Variants in DAB1 observed in about 807,000 individuals in gnomAD.
The protein encoded by DAB1 is disabled homolog 1.
DAB1 carries 15 observed loss-of-function variants against 64.6 expected under a neutral mutation model. The ratio of observed to expected loss-of-function variants is 0.23; its 90% CI spans 0.16 to 0.36. The LOEUF is 0.36. Among genes scored for constraint, DAB1 ranks in the 10% least tolerant of loss-of-function variants. The pLI, the probability that DAB1 is intolerant of heterozygous loss-of-function variation, is 1.00. For synonymous variants in DAB1, 235 were observed against 251.9 expected, an observed-to-expected ratio of 0.93 and a Z score of 0.64; for missense variants, 596 against 706.7, an observed-to-expected ratio of 0.84 and a Z score of 1.78.
chr1:58,199,147 CA>C (rs1426686213), intron 4 of DAB1, among the ~76,000 whole-genome samples: 1 of 152,026 alleles, frequency 6.6e-6, no homozygotes, highest in Non-Finnish European at 1.5e-5. Flanking sequence ...GAACTGCCTG[CA>C]GTCCTATTGA....
chr1:58,545,684 G>T (rs1177637409), intron 1 of DAB1, among the ~76,000 whole-genome samples: 1 of 152,206 alleles, frequency 6.6e-6, no homozygotes, highest in Non-Finnish European at 1.5e-5. Context: ...ATCTCCGAAT[G>T]AGCAAGTGCA....
intron 1 of DAB1, among the ~76,000 whole-genome samples, chr1:57,856,041 T>C (rs958904593): frequency 1.3e-5 from 2 of 152,124 alleles, no homozygotes; most frequent in Admixed American, 6.5e-5. Flanking sequence ...GAAAGAAACA[T>C]AGGAGTAGAG....
At chr1:58,519,525 AG>A (rs1183795377) in intron 2 of DAB1, among the ~76,000 whole-genome samples, 1 of 152,164 alleles carries the variant, frequency 6.6e-6, no homozygotes, top group Non-Finnish European at 1.5e-5. Context: ...GAATGAGTGA[AG>A]AGATCTGCTA....
intron 7 of DAB1, among the ~76,000 whole-genome samples, chr1:57,562,453 CCCAT>C (rs1645064127): frequency 6.6e-6 from 1 of 152,212 alleles, no homozygotes; most frequent in African/African-American, 2.4e-5. Context: ...TACCATGTTC[CCCAT>C]CATCTCAAAG....
intron 4 of DAB1, among the ~76,000 whole-genome samples, chr1:58,334,296 T>C (rs1303804301): frequency 6.6e-6 from 1 of 152,142 alleles, no homozygotes; most frequent in East Asian, 1.9e-4. Flanking sequence ...ATTAAATATA[T>C]ATGTATATAT....
chr1:57,711,552 T>C (rs1182743985), intron 6 of DAB1, among the ~76,000 whole-genome samples: 1 of 152,238 alleles, frequency 6.6e-6, no homozygotes, highest in Non-Finnish European at 1.5e-5. Context: ...AAGGCTTGCA[T>C]GACAAGCATG....
At chr1:57,418,466 A>T (rs1259692694) in intron 1 of DAB1, among the ~76,000 whole-genome samples, 1 of 152,216 alleles carries the variant, frequency 6.6e-6, no homozygotes, top group Non-Finnish European at 1.5e-5. Flanking sequence ...TTGTAAATCA[A>T]TATGAAGCTC....
At chr1:57,195,352 C>T (rs966802198) in intron 2 of DAB1, among the ~76,000 whole-genome samples, 5 of 152,222 alleles carry the variant, frequency 3.3e-5, no homozygotes, top group African/African-American at 1.2e-4. Context: ...CTTCACTTAA[C>T]ATATATTTGA....
At position 57,080,179 on chromosome 1, in the gene DAB1, T is replaced by A. The variant is rs182765518; in HGVS notation, c.307-7765A>T. Among the ~76,000 whole-genome samples the A allele has an allele frequency of 1.9e-3, 291 of 152,266 alleles. 2 individuals are homozygous for A. The highest frequency in any genetic ancestry group is 2.9e-3 in the Non-Finnish European group (194 of 68,016). On this transcript the variant is annotated intron_variant, in intron 4 of 14. Coordinates refer to ENST00000371236, the MANE Select transcript of DAB1 (RefSeq NM_001365792.1). ...ATCACTGCCATTTATCTCCAGAAAA[T>A]TTTTGTCTTCCCAAACTCATGCTAC...
chr1:58,072,047 T>A (rs1308715057), intron 5 of DAB1, among the ~76,000 whole-genome samples: 1 of 94,108 alleles, frequency 1.1e-5, no homozygotes, highest in African/African-American at 4.5e-5. Context: ...CAGAGAAAAA[T>A]AAAGCAGGAT....
chr1:57,902,790 G>C (rs892312947), intron 5 of DAB1, among the ~76,000 whole-genome samples: 1 of 152,118 alleles, frequency 6.6e-6, no homozygotes, highest in Non-Finnish European at 1.5e-5. Flanking sequence ...GTTTTCTGTG[G>C]AGTGCAATTT....
intron 1 of DAB1, among the ~76,000 whole-genome samples, chr1:57,294,552 T>C (rs1673039818): frequency 6.6e-6 from 1 of 152,118 alleles, no homozygotes; most frequent in South Asian, 2.1e-4. Flanking sequence ...ACATTTGTGT[T>C]CTTTCTTTCC....
chr1:57,331,890 T>G (rs1050670748), intron 1 of DAB1, among the ~76,000 whole-genome samples: 22 of 152,196 alleles, frequency 1.4e-4, no homozygotes, highest in African/African-American at 5.3e-4. Context: ...CAGAGGAATC[T>G]TGGGTTCTTG....
intron 5 of DAB1, among the ~76,000 whole-genome samples, chr1:57,904,482 A>G (rs1190125116): frequency 6.6e-6 from 1 of 152,210 alleles, no homozygotes; most frequent in Non-Finnish European, 1.5e-5. Context: ...GAGACACACT[A>G]TAGACTAAGC....
chr1:57,804,144 C>T (rs956625499), intron 6 of DAB1, among the ~76,000 whole-genome samples: 2 of 152,166 alleles, frequency 1.3e-5, no homozygotes, highest in Non-Finnish European at 2.9e-5. Context: ...CAGACATTCC[C>T]CCTTCCATTT....
intron 11 of DAB1, among the ~76,000 whole-genome samples, chr1:57,017,741 T>A (rs1646480763): frequency 6.6e-6 from 1 of 152,102 alleles, no homozygotes; most frequent in Non-Finnish European, 1.5e-5. Flanking sequence ...ACAAGAGGGG[T>A]GAAGAGGCCC....
intron 5 of DAB1, among the ~76,000 whole-genome samples, chr1:58,141,559 G>A (rs1186652383): frequency 6.6e-6 from 1 of 152,124 alleles, no homozygotes; most frequent in Admixed American, 6.6e-5. Context: ...TGTGAACTCA[G>A]AGCCAGAGCT....
intron 9 of DAB1, among the ~76,000 whole-genome samples, chr1:57,058,416 C>T (rs1361818736): frequency 6.6e-6 from 1 of 152,164 alleles, no homozygotes; most frequent in African/African-American, 2.4e-5. Context: ...TCATTCATTC[C>T]TCACACAGGG....
chr1:57,223,625 A>G (rs1667047304), intron 2 of DAB1, among the ~76,000 whole-genome samples: 1 of 152,222 alleles, frequency 6.6e-6, no homozygotes, highest in African/African-American at 2.4e-5. Context: ...CTGGGCAGGC[A>G]CTAGGTGGAA....
Sources: allele counts gnomAD v4.1 joint callset (sites outside exome capture counted in the v4.1 genomes callset), GRCh38; gene constraint gnomAD v4.1.1; transcripts MANE v1.5; gene names NCBI Gene and HGNC (gene_info 2026-07-23, HGNC 2026-07-21).